The following PTPN14 variants were observed in gnomAD, a reference collection of about 807,000 sequenced individuals.
PTPN14 encodes the protein tyrosine-protein phosphatase non-receptor type 14.
Under a neutral mutation model 126.8 loss-of-function variants are expected in PTPN14, and 53 were observed. That is an observed-to-expected ratio of 0.42 (90% CI 0.34 to 0.53). PTPN14 has a LOEUF of 0.53. Ranked by LOEUF, PTPN14 falls within the 20% of genes least tolerant of loss-of-function variation. The pLI is 0.08. For missense variants in PTPN14, 1,257 were observed against 1,552.9 expected, an observed-to-expected ratio of 0.81 and a Z score of 3.20; for synonymous variants, 630 against 599.3, an observed-to-expected ratio of 1.05 and a Z score of -0.75.
rs1251052916 is a variant in PTPN14 at position 214,348,928 on chromosome 1, CT to C, written c.*8993del. The C allele has an allele frequency of 3.3e-5, 5 of 152,190 alleles. No individual in the cohort carries two copies. The highest frequency in any genetic ancestry group is 1.2e-4 in the African/African-American group (5 of 41,454). The allele number at this position is 152,190 out of a possible 1,614,324, so 9.4% of individuals were successfully genotyped here. ...AAAGTCAGTTCTATACACCTCATAA[CT>C]GTGTATACAACTGGCAAGCATAAGC... is the stretch of plus-strand genomic sequence containing the variant. On this transcript the variant is annotated 3_prime_UTR_variant, in exon 19 of 19. Transcript: ENST00000366956.
intron 16 of PTPN14, among the ~76,000 whole-genome samples, chr1:214,370,546 T>C (rs925247923): frequency 1.3e-5 from 2 of 152,218 alleles, no homozygotes; most frequent in Admixed American, 6.5e-5. Context: ...CTACCGATGC[T>C]GTCTTTATCT....
chr1:214,422,589 G>A (rs1244409982), intron 3 of PTPN14, among the ~76,000 whole-genome samples: 1 of 152,164 alleles, frequency 6.6e-6, no homozygotes, highest in Non-Finnish European at 1.5e-5. Context: ...CTGGAAGCCG[G>A]GTGAGTCAAT....
intron 3 of PTPN14, among the ~76,000 whole-genome samples, chr1:214,425,457 G>C (rs1659639149): frequency 6.6e-6 from 1 of 152,170 alleles, no homozygotes; most frequent in Non-Finnish European, 1.5e-5. Context: ...ACATGGTACT[G>C]ATCAAACAAC....
At chr1:214,467,191 A>T (rs546667951) in intron 1 of PTPN14, among the ~76,000 whole-genome samples, 8 of 151,900 alleles carry the variant, frequency 5.3e-5, no homozygotes, top group Admixed American at 5.2e-4. Flanking sequence ...CAACCCAAAG[A>T]AAAACAGTGG....
chr1:214,399,523 C>T (rs545421023), intron 7 of PTPN14, among the ~76,000 whole-genome samples: 95 of 152,180 alleles, frequency 6.2e-4, no homozygotes, highest in Middle Eastern at 6.8e-3. Context: ...GAATATTCTT[C>T]AGGGCTTGTT....
At chr1:214,465,387 A>G (rs12739305) in intron 1 of PTPN14, among the ~76,000 whole-genome samples, 125,794 of 152,072 alleles carry the variant, frequency 0.83, 52,135 homozygotes, top group African/African-American at 0.89. Context: ...AGGCGGAAGG[A>G]TTACTTAAGC....
intron 3 of PTPN14, among the ~76,000 whole-genome samples, chr1:214,430,031 T>C (rs1388309601): frequency 6.6e-6 from 1 of 152,218 alleles, no homozygotes; most frequent in Non-Finnish European, 1.5e-5. Flanking sequence ...CCAACAGTAA[T>C]AGGGAAACCT....
intron 1 of PTPN14, among the ~76,000 whole-genome samples, chr1:214,527,113 CAGA>C (rs1359522830): frequency 6.7e-6 from 1 of 150,160 alleles, no homozygotes; most frequent in Admixed American, 6.6e-5. Flanking sequence ...AAAAAAAAAA[CAGA>C]AGGTGATAAG....
intron 1 of PTPN14, among the ~76,000 whole-genome samples, chr1:214,479,610 A>T (rs1442670848): frequency 6.6e-6 from 1 of 152,092 alleles, no homozygotes; most frequent in African/African-American, 2.4e-5. Flanking sequence ...AATTGCTGAG[A>T]TTACAGGCGT....
At chr1:214,404,432 T>C (rs1023914446) in intron 5 of PTPN14, among the ~76,000 whole-genome samples, 2 of 152,228 alleles carry the variant, frequency 1.3e-5, no homozygotes, top group East Asian at 3.8e-4. Context: ...GTAACAAAGA[T>C]ATCACAAGGC....
At chr1:214,408,342 G>C (rs903197166) in intron 5 of PTPN14, among the ~76,000 whole-genome samples, 1 of 152,158 alleles carries the variant, frequency 6.6e-6, no homozygotes, top group Non-Finnish European at 1.5e-5. Flanking sequence ...TGATTGGTTA[G>C]AGCTGTTCCC....
In PTPN14 at chr1:214,353,968, T is replaced by C. The variant is rs548161404; in HGVS notation, c.*3954A>G. On this transcript the variant is annotated 3_prime_UTR_variant, in exon 19 of 19. Coordinates refer to ENST00000366956, the MANE Select transcript of PTPN14 (RefSeq NM_005401.5). ...TGGAAATTTCATATGGGTCAATCTA[T>C]ATTAAGCTGGAAAAATAATCAGCTG... 2.8e-4 allele frequency: 43 copies of C among 152,368 alleles called. No homozygotes were observed. The highest frequency in any genetic ancestry group is 1.0e-3 in the African/African-American group (43 of 41,580). 9.4% of individuals were successfully genotyped at this position (152,368 alleles called of 1,614,324 possible). A position where few individuals can be genotyped will look rare whatever the true frequency, so the allele number is the denominator to read the frequency against.
rs1034426912 is a variant in PTPN14 at position 214,351,832 on chromosome 1, G to A, written c.*6090C>T. On this transcript the variant is annotated 3_prime_UTR_variant, in exon 19 of 19. Coordinates refer to ENST00000366956, the MANE Select transcript of PTPN14 (RefSeq NM_005401.5). ...ATCACTCTGACATTACAGAAAGGGA[G>A]GCAGGGAGTAGGAGAGGCATTCCAG... is the stretch of plus-strand genomic sequence containing the variant. 2.0e-5 allele frequency: 3 copies of A among 152,234 alleles called. No homozygotes were observed. Among genetic ancestry groups the A allele is most frequent in the African/African-American group, 7.2e-5 (3 of 41,464 alleles). The allele number at this position is 152,234 out of a possible 1,614,324, so 9.4% of individuals were successfully genotyped here. A position where few individuals can be genotyped will look rare whatever the true frequency, so the allele number is the denominator to read the frequency against.
intron 1 of PTPN14, among the ~76,000 whole-genome samples, chr1:214,514,339 A>C (rs1655049053): frequency 6.6e-6 from 1 of 152,178 alleles, no homozygotes; most frequent in African/African-American, 2.4e-5. Context: ...GACATGCCGC[A>C]TGTATGGGTC....
At chr1:214,514,435 T>A (rs1655050856) in intron 1 of PTPN14, among the ~76,000 whole-genome samples, 1 of 152,174 alleles carries the variant, frequency 6.6e-6, no homozygotes, top group South Asian at 2.1e-4. Flanking sequence ...AAATTTGCCA[T>A]ATAGACTTAG....
intron 3 of PTPN14, among the ~76,000 whole-genome samples, chr1:214,449,954 G>A (rs61819597): frequency 0.1 from 15,920 of 151,758 alleles, 1,270 homozygotes; most frequent in East Asian, 0.37. Flanking sequence ...AATACAGCGA[G>A]ACTTCATCTC....
chr1:214,502,568 A>G (rs1268875635), intron 1 of PTPN14, among the ~76,000 whole-genome samples: 1 of 152,130 alleles, frequency 6.6e-6, no homozygotes, highest in Non-Finnish European at 1.5e-5. Context: ...TATGTTGCCC[A>G]GGCTGGTCTC....
chr1:214,411,639 C>A, intron 5 of PTPN14, 45 bp downstream of exon 5: 2 of 1,340,040 alleles, frequency 1.5e-6, no homozygotes, highest in South Asian at 1.3e-5. Flanking sequence ...ACTAAATGTC[C>A]AAAGAAGGTA....
At chr1:214,502,854 A>G (rs1558132423) in intron 1 of PTPN14, among the ~76,000 whole-genome samples, 1 of 152,220 alleles carries the variant, frequency 6.6e-6, no homozygotes, top group Admixed American at 6.5e-5. Flanking sequence ...CCTTATGTCA[A>G]TTATTTGCAT....
Sources: allele counts gnomAD v4.1 joint callset (sites outside exome capture counted in the v4.1 genomes callset), GRCh38; gene constraint gnomAD v4.1.1; transcripts MANE v1.5; gene names NCBI Gene and HGNC (gene_info 2026-07-23, HGNC 2026-07-21).